ATP9B: variants seen among roughly 807,000 people sequenced by gnomAD.
ATP9B encodes the protein probable phospholipid-transporting ATPase IIB.
A neutral mutation model predicts 146.1 loss-of-function variants in ATP9B; 110 were observed. That is an observed-to-expected ratio of 0.75 (90% confidence interval 0.65 to 0.88). The LOEUF (loss-of-function observed/expected upper bound fraction) is 0.88. ATP9B is among the 40% of genes least tolerant of loss of function. ATP9B has a pLI of 0.00. For missense variants in ATP9B, 1,499 were observed against 1,496.4 expected, an observed-to-expected ratio of 1.00 and a Z score of -0.03; for synonymous variants, 604 against 569.7, an observed-to-expected ratio of 1.06 and a Z score of -0.86.
chr18:79,088,437 ATAT>A (rs1011240467), intron 1 of ATP9B, among the ~76,000 whole-genome samples: 2 of 152,340 alleles, frequency 1.3e-5, no homozygotes, highest in East Asian at 1.9e-4. Flanking sequence ...TTAAGGGAAA[ATAT>A]TATTAATGTT....
At chr18:79,228,171 G>T (rs1013393230) in intron 11 of ATP9B, among the ~76,000 whole-genome samples, 1 of 152,214 alleles carries the variant, frequency 6.6e-6, no homozygotes, top group Non-Finnish European at 1.5e-5. Context: ...TGATTTAAGA[G>T]AAATTATCAT....
chr18:79,348,080 A>C, intron 24 of ATP9B, 52 bp from the exon 25 acceptor site: 1 of 1,608,704 alleles, frequency 6.2e-7, no homozygotes, highest in Non-Finnish European at 8.5e-7. Flanking sequence ...GCTTGGGGCC[A>C]CAGGTGCTCG....
chr18:79,191,986 T>G (rs1221670968), intron 8 of ATP9B, among the ~76,000 whole-genome samples: 1 of 152,196 alleles, frequency 6.6e-6, no homozygotes, highest in African/African-American at 2.4e-5. Flanking sequence ...GTAGCTAACT[T>G]GACTGAAGTC....
chr18:79,375,601 G>A (rs956603057), intron 29 of ATP9B, 175 bp downstream of exon 29: 1 of 985,464 alleles, frequency 1.0e-6, no homozygotes, highest in Non-Finnish European at 1.2e-6. Context: ...TGGGCTGAGT[G>A]CTGTTGGCTT....
chr18:79,299,669 C>G (rs972747959), intron 13 of ATP9B, among the ~76,000 whole-genome samples: 3 of 152,230 alleles, frequency 2.0e-5, no homozygotes, highest in Admixed American at 6.5e-5. Context: ...ATCCATGCAA[C>G]ATATGAGATG....
chr18:79,114,780 G>A (rs1017659922), intron 4 of ATP9B, among the ~76,000 whole-genome samples: 7 of 152,070 alleles, frequency 4.6e-5, no homozygotes, highest in Admixed American at 6.5e-5. Context: ...TATAGATGCC[G>A]TGAGCTCCCC....
intron 5 of ATP9B, among the ~76,000 whole-genome samples, chr18:79,140,439 G>T (rs2147371559): frequency 6.6e-6 from 1 of 152,124 alleles, no homozygotes; most frequent in South Asian, 2.1e-4. Flanking sequence ...TGGTAGTGGG[G>T]TTGGTGGGCA....
chr18:79,114,592 C>A (rs968667018), intron 4 of ATP9B, among the ~76,000 whole-genome samples: 7 of 152,114 alleles, frequency 4.6e-5, no homozygotes, highest in African/African-American at 1.4e-4. Flanking sequence ...TTTGATTTCT[C>A]TTTCACATAG....
intron 7 of ATP9B, among the ~76,000 whole-genome samples, chr18:79,170,677 G>C (rs1037120207): frequency 2.6e-5 from 4 of 152,186 alleles, no homozygotes; most frequent in African/African-American, 9.7e-5. Context: ...ATTTCCATCA[G>C]TTGCTGGAAA....
intron 9 of ATP9B, among the ~76,000 whole-genome samples, chr18:79,200,757 G>GT (rs2095472995): frequency 6.6e-6 from 1 of 152,258 alleles, no homozygotes; most frequent in East Asian, 1.9e-4. Context: ...AGGTGGAGGT[G>GT]GGAACGTTGG....
chr18:79,319,460 TA>T, intron 15 of ATP9B, among the ~76,000 whole-genome samples: 1 of 151,718 alleles, frequency 6.6e-6, no homozygotes, highest in Admixed American at 6.6e-5. Flanking sequence ...AACAGTTCCA[TA>T]GGGGCCCCCG....
At chr18:79,173,754 G>A (rs1006137199) in intron 7 of ATP9B, 5 of 455,472 alleles carry the variant, frequency 1.1e-5, no homozygotes, top group Admixed American at 9.4e-5. Context: ...AAATCTGGTG[G>A]GCTGATTTCT....
Position 79,072,246 on chromosome 18 carries a change from A to G in ATP9B, c.119+2717A>G, listed in dbSNP as rs528127395. On this transcript the variant is annotated intron_variant, in intron 1 of 29. Coordinates refer to ENST00000426216, the MANE Select transcript of ATP9B (RefSeq NM_198531.5). ...GGACAATAGTGGAGAGAAGGTCAGC[A>G]GATAAACATGTGAACAAAGGTCTCT... Among the ~76,000 whole-genome samples, 146 of 152,152 alleles carry G rather than the reference A, an allele frequency of 9.6e-4. 1 individual carries two copies. The South Asian group carries it at 0.03, about 31-fold the overall frequency.
intron 8 of ATP9B, among the ~76,000 whole-genome samples, chr18:79,191,134 C>A (rs1054420511): frequency 6.6e-6 from 1 of 152,136 alleles, no homozygotes; most frequent in Non-Finnish European, 1.5e-5. Context: ...ACACCCTCCA[C>A]CCCTCACTTT....
At chr18:79,293,267 T>C (rs2096524843) in intron 13 of ATP9B, among the ~76,000 whole-genome samples, 1 of 152,114 alleles carries the variant, frequency 6.6e-6, no homozygotes, top group Admixed American at 6.5e-5. Context: ...TTTGAGAAAG[T>C]ATTCTAAATT....
intron 4 of ATP9B, among the ~76,000 whole-genome samples, chr18:79,114,834 G>C (rs978713056): frequency 1.1e-4 from 16 of 152,088 alleles, no homozygotes; most frequent in African/African-American, 3.9e-4. Context: ...TTGCCTTTTT[G>C]GAGGGTCATT....
intron 6 of ATP9B, among the ~76,000 whole-genome samples, chr18:79,151,046 C>G (rs1188311041): frequency 6.6e-6 from 1 of 152,140 alleles, no homozygotes; most frequent in Non-Finnish European, 1.5e-5. Flanking sequence ...TCAGTGTTAC[C>G]CCTCTCAAAA....
chr18:79,118,390 G>GTTTTTTTTTTTTTT (rs752788043), intron 4 of ATP9B, among the ~76,000 whole-genome samples: 1 of 93,238 alleles, frequency 1.1e-5, no homozygotes, highest in East Asian at 3.1e-4. Flanking sequence ...GAACGTTTTT[G>GTTTTTTTTTTTTTT]TTTTTTTTTT....
chr18:79,281,805 C>T (rs1380590007), intron 13 of ATP9B, among the ~76,000 whole-genome samples: 1 of 152,198 alleles, frequency 6.6e-6, no homozygotes, highest in Admixed American at 6.5e-5. Flanking sequence ...AGGCGGATCA[C>T]CGGAGGTCGG....
Sources: allele counts gnomAD v4.1 joint callset (sites outside exome capture counted in the v4.1 genomes callset), GRCh38; gene constraint gnomAD v4.1.1; transcripts MANE v1.5; gene names NCBI Gene and HGNC (gene_info 2026-07-23, HGNC 2026-07-21).